The following WDR7 variants were observed in gnomAD, a reference collection of about 807,000 sequenced individuals.
The protein encoded by WDR7 is WD repeat-containing protein 7.
A neutral mutation model predicts 169.4 loss-of-function variants in WDR7; 46 were observed. The observed-to-expected ratio is 0.27, with a 90% confidence interval of 0.21 to 0.35. The LOEUF (loss-of-function observed/expected upper bound fraction) is 0.35, where lower values mean the gene tolerates loss of function less well. Ranked by LOEUF, WDR7 falls within the 10% of genes least tolerant of loss-of-function variation. The pLI, the probability that WDR7 is intolerant of heterozygous loss-of-function variation, is 1.00. For synonymous variants in WDR7, 612 were observed against 666.8 expected, an observed-to-expected ratio of 0.92 and a Z score of 1.27; for missense variants, 1,534 against 1,859.3, an observed-to-expected ratio of 0.83 and a Z score of 3.22.
rs141124833 is a variant in WDR7, at chr18:56,678,653, C to T, written c.160-679C>T. The stretch of plus-strand genomic sequence containing the variant: ...CTGGAATTACAGGTGCGCGCCACCA[C>T]GCCTGGCTAATTTTTGTATTTTTAG... On this transcript the variant is annotated intron_variant, in intron 2 of 27. Transcript: ENST00000254442. Among the ~76,000 whole-genome samples, 673 of 152,170 alleles carry T rather than the reference C, an allele frequency of 4.4e-3. 4 individuals carry two copies. The highest frequency in any genetic ancestry group is 0.015 in the African/African-American group (616 of 41,522).
chr18:56,695,180 G>A lies in WDR7; in HGVS notation c.1339G>A (p.Glu447Lys). ...QTAIVQLLQGEHMLRRGWPPH... is the reference protein window; with the variant it reads ...QTAIVQLLQGKHMLRRGWPPH... ...GGCCATAGTACAGCTGTTGCAAGGGGAACACATGCTCAGAAGAGGTATACT... is the reference window on the plus strand; with the variant it reads ...GGCCATAGTACAGCTGTTGCAAGGGAAACACATGCTCAGAAGAGGTATACT... The change falls in exon 11 of 28, where the codon GAA (glutamate) becomes AAA (lysine). Residue 447 changes from glutamate (E) to lysine (K), a missense_variant. Coordinates refer to ENST00000254442, the MANE Select transcript of WDR7 (RefSeq NM_015285.3). 6.2e-7 allele frequency: 1 copy of A among 1,614,124 alleles called. No homozygotes were observed.
chr18:56,780,882 A>G (rs2044309075), intron 18 of WDR7, among the ~76,000 whole-genome samples: 1 of 152,242 alleles, frequency 6.6e-6, no homozygotes, highest in African/African-American at 2.4e-5. Flanking sequence ...TGCCAAAATA[A>G]CACTAAATTA....
intron 12 of WDR7, among the ~76,000 whole-genome samples, chr18:56,711,302 G>A (rs1039020551): frequency 2.0e-5 from 3 of 151,710 alleles, no homozygotes; most frequent in African/African-American, 7.3e-5. Context: ...AGAAACAATG[G>A]CTAAATTAAA....
intron 14 of WDR7, among the ~76,000 whole-genome samples, chr18:56,750,749 T>A (rs2043778558): frequency 6.6e-6 from 1 of 152,344 alleles, no homozygotes; most frequent in East Asian, 1.9e-4. Context: ...ACTTATGAGT[T>A]TGATAGATGT....
At chr18:57,023,615 C>T (rs977777380) in intron 27 of WDR7, among the ~76,000 whole-genome samples, 1 of 152,212 alleles carries the variant, frequency 6.6e-6, no homozygotes. Context: ...CAAAGTTACA[C>T]TTGAGTGAAT....
chr18:56,875,023 C>T (rs1222171526), intron 20 of WDR7, among the ~76,000 whole-genome samples: 1 of 152,092 alleles, frequency 6.6e-6, no homozygotes, highest in Non-Finnish European at 1.5e-5. Flanking sequence ...ATTTCTTAGA[C>T]TCAACTAGGT....
rs185522728 is a variant in WDR7, at chr18:56,990,036, A to T, written c.4164+27507A>T. Among the ~76,000 whole-genome samples the T allele has an allele frequency of 3.1e-3, 468 of 152,342 alleles. 2 individuals carry two copies. The highest frequency in any genetic ancestry group is 4.1e-3 in the Non-Finnish European group (278 of 68,032). ...TTCTTAAAGCATAAGCTGACTCCTT[A>T]CTATTCCTATTTTTTAATTAATTTT... is the stretch of plus-strand genomic sequence containing the variant. On this transcript the variant is annotated intron_variant, in intron 26 of 27. Transcript: ENST00000254442.
In WDR7 at chr18:56,694,645, GTTC is replaced by G. The variant is rs781353293; in HGVS notation, c.998_1000del (p.Phe333del). The G allele has an allele frequency of 6.2e-6, 10 of 1,610,628 alleles. No homozygotes were observed. The highest frequency in any genetic ancestry group is 7.6e-6 in the Non-Finnish European group (9 of 1,178,512). ...TGCTAATTTGTCCTCCTGTTACTCG[GTTC>G]TTCTATGGATGCAGAGAATATTTCC... is the stretch of plus-strand genomic sequence containing the variant. On this transcript the variant is annotated inframe_deletion, in exon 10 of 28. Transcript: ENST00000254442.
intron 1 of WDR7, among the ~76,000 whole-genome samples, chr18:56,659,163 G>A (rs1425736634): frequency 1.4e-5 from 2 of 146,624 alleles, no homozygotes; most frequent in Non-Finnish European, 3.0e-5. Context: ...AGGCAGGAGC[G>A]TAGGTAAAAC....
At chr18:56,910,750 C>G (rs2046541277) in intron 21 of WDR7, among the ~76,000 whole-genome samples, 2 of 152,038 alleles carry the variant, frequency 1.3e-5, no homozygotes, top group Admixed American at 6.6e-5. Flanking sequence ...TGTAAATTAT[C>G]TAAGATTTTT....
chr18:56,969,465 G>C (rs950137977), intron 26 of WDR7, among the ~76,000 whole-genome samples: 1 of 152,160 alleles, frequency 6.6e-6, no homozygotes, highest in Non-Finnish European at 1.5e-5. Flanking sequence ...TACACAGGAA[G>C]CATTCAGAAA....
intron 26 of WDR7, chr18:57,010,353 C>A: frequency 1.1e-6 from 1 of 923,556 alleles, no homozygotes; most frequent in Non-Finnish European, 1.3e-6. Context: ...TTAAAACAAC[C>A]ACATTTATCT....
At chr18:56,994,938 A>G (rs1177507292) in intron 26 of WDR7, among the ~76,000 whole-genome samples, 2 of 152,234 alleles carry the variant, frequency 1.3e-5, no homozygotes, top group Admixed American at 1.3e-4. Context: ...TTCAGGAACC[A>G]GTGGTGCATT....
Position 56,791,441 on chromosome 18 carries a change from G to C in WDR7, c.3190+9785G>C, listed in dbSNP as rs74881438. Among the ~76,000 whole-genome samples the C allele has an allele frequency of 5.5e-3, 830 of 152,240 alleles. 7 individuals carry two copies. The highest frequency in any genetic ancestry group is 0.019 in the African/African-American group (786 of 41,544). ...CTTTATATCTTGGATATGAAGTAGAGAAAGCTTTTTCTTTACCCCCTTCTA... is the reference window on the plus strand; with the variant it reads ...CTTTATATCTTGGATATGAAGTAGACAAAGCTTTTTCTTTACCCCCTTCTA... On this transcript the variant is annotated intron_variant, in intron 19 of 27. Coordinates refer to ENST00000254442, the MANE Select transcript of WDR7 (RefSeq NM_015285.3).
intron 25 of WDR7, among the ~76,000 whole-genome samples, chr18:56,957,987 T>C (rs1265901955): frequency 6.6e-6 from 1 of 152,198 alleles, no homozygotes; most frequent in Non-Finnish European, 1.5e-5. Context: ...TATTTCTTTT[T>C]TCAAATTAAC....
chr18:56,827,210 C>A (rs2045222010), intron 20 of WDR7, among the ~76,000 whole-genome samples: 1 of 152,162 alleles, frequency 6.6e-6, no homozygotes. Context: ...AGCTTCCTTA[C>A]TTGTTCATTG....
intron 21 of WDR7, among the ~76,000 whole-genome samples, chr18:56,886,920 A>G (rs1159435647): frequency 2.6e-5 from 4 of 152,220 alleles, no homozygotes; most frequent in African/African-American, 4.8e-5. Context: ...CCAACAGGAA[A>G]ATATCACAAT....
At chr18:56,895,367 C>T (rs2046318305) in intron 21 of WDR7, among the ~76,000 whole-genome samples, 1 of 151,766 alleles carries the variant, frequency 6.6e-6, no homozygotes, top group South Asian at 2.1e-4. Flanking sequence ...TTTTTAAAGG[C>T]TACAGGTAGG....
chr18:56,738,719 G>A (rs940592968), intron 14 of WDR7, among the ~76,000 whole-genome samples: 10 of 149,456 alleles, frequency 6.7e-5, no homozygotes, highest in African/African-American at 1.7e-4. Flanking sequence ...AGGAAATTTC[G>A]CCTCCATGAT....
Sources: allele counts gnomAD v4.1 joint callset (sites outside exome capture counted in the v4.1 genomes callset), GRCh38; gene constraint gnomAD v4.1.1; transcripts MANE v1.5; gene names NCBI Gene and HGNC (gene_info 2026-07-23, HGNC 2026-07-21).